ACACB: variants seen among roughly 807,000 people sequenced by gnomAD.
The protein encoded by ACACB is acetyl-CoA carboxylase beta, also known as acetyl-CoA carboxylase 2.
In ACACB, 209 loss-of-function variants were observed where a neutral mutation model predicts 278.8. The observed-to-expected ratio is 0.75, with a 90% CI of 0.67 to 0.84. The LOEUF (loss-of-function observed/expected upper bound fraction) is 0.84, where lower values mean the gene tolerates loss of function less well. Ranked by LOEUF, ACACB falls within the 40% of genes least tolerant of loss-of-function variation. ACACB has a pLI of 0.00. For missense variants in ACACB, 2,850 were observed against 3,269.0 expected (o/e 0.87, Z 3.13); for synonymous variants, 1,174 against 1,285.6 (o/e 0.91, Z 1.86).
chr12:109,257,822 C>T (rs761848077), intron 45 of ACACB, among the ~76,000 whole-genome samples: 2 of 152,204 alleles, frequency 1.3e-5, no homozygotes, highest in Non-Finnish European at 2.9e-5. Flanking sequence ...CCTCCTGCTT[C>T]AGACTCTCAA....
chr12:109,223,327 C>T (rs192622911), intron 26 of ACACB, among the ~76,000 whole-genome samples: 68 of 152,244 alleles, frequency 4.5e-4, no homozygotes, highest in African/African-American at 1.6e-3. Context: ...GCCGTCATCC[C>T]GGAGTTCTTC....
intron 13 of ACACB, 24 bp downstream of exon 13, chr12:109,188,186 C>T (rs1555216125): frequency 2.4e-6 from 2 of 828,530 alleles, no homozygotes; most frequent in South Asian, 1.8e-5. Flanking sequence ...TCCTTCCTTC[C>T]TTCCTTCCTT....
At position 109,140,054 on chromosome 12, in the gene ACACB, A is replaced by T; in HGVS notation, c.649A>T (p.Met217Leu). 1 of 1,585,028 alleles carries T rather than the reference A, an allele frequency of 6.3e-7. No homozygotes were observed. The highest frequency in any genetic ancestry group is 8.5e-7 in the Non-Finnish European group (1 of 1,171,154). The stretch of plus-strand genomic sequence containing the variant: ...TGAAGCTGAGACCCGCGTCCCCACT[A>T]TGAGGTAATGTGCATTTTCTCCTTG... ...TGEAETRVPTMRPSMSGLHLV... is the reference protein window; with the variant it reads ...TGEAETRVPTLRPSMSGLHLV... Residue 217 changes from methionine to leucine, a missense_variant, in exon 2 of 53, where the codon ATG becomes TTG. Met to Leu is a conservative substitution (Grantham distance 15, BLOSUM62 2). This residue lies in a region of ACACB where 2,265 missense variants were observed against 2,561.3 expected (regional missense o/e 0.88). Transcript: ENST00000338432.
At chr12:109,245,257 T>C (rs2046908884) in intron 37 of ACACB, among the ~76,000 whole-genome samples, 1 of 152,076 alleles carries the variant, frequency 6.6e-6, no homozygotes, top group Admixed American at 6.6e-5. Context: ...AACGATATTG[T>C]ATGTTTCCAA....
intron 37 of ACACB, among the ~76,000 whole-genome samples, chr12:109,244,011 T>C (rs1350628516): frequency 6.6e-6 from 1 of 152,090 alleles, no homozygotes; most frequent in Admixed American, 6.6e-5. Flanking sequence ...ACTAAAGAGC[T>C]TCTGCACAGC....
rs1430991724 is a variant in ACACB at position 109,265,260 on chromosome 12, G to A, written c.7093G>A (p.Glu2365Lys). The A allele has an allele frequency of 3.1e-6, 5 of 1,613,132 alleles. No individual in the cohort carries two copies. In the Admixed American group the frequency reaches 6.7e-5, roughly 22 times the overall value. Residue 2365 changes from glutamate (E) to lysine (K), a missense_variant, in exon 51 of 53, where the codon GAG (glutamate) becomes AAG (lysine). By Grantham distance (56) the Glu-to-Lys change is moderately conservative. Coordinates refer to ENST00000338432, the MANE Select transcript of ACACB (RefSeq NM_001093.4). ...IQSMLRRWFV[E>K]TEGAVKAYLW... The stretch of plus-strand genomic sequence containing the variant: ...GTCCATGCTGCGTCGCTGGTTCGTG[G>A]AGACGGAGGGGGCTGTCAAGGTGGG...
intron 33 of ACACB, chr12:109,236,406 G>C (rs955137679): frequency 1.3e-5 from 2 of 152,396 alleles, no homozygotes; most frequent in African/African-American, 4.8e-5. Context: ...TGCTCGTCTA[G>C]AACAGTGGTT....
At chr12:109,210,047 ATATACACACACGTGTGTATAT>A (rs1483347880) in intron 21 of ACACB, among the ~76,000 whole-genome samples, 2 of 124,710 alleles carry the variant, frequency 1.6e-5, no homozygotes, top group Non-Finnish European at 3.5e-5. Flanking sequence ...ATATGTGTAT[ATATACACACACGTGTGTATAT>A]ATGTGTATAT....
rs1387760140 is a variant in ACACB at position 109,185,656 on chromosome 12, C to T, written c.1896C>T (p.Pro632=). The T allele has an allele frequency of 6.2e-7, 1 of 1,614,014 alleles. No individual in the cohort carries two copies. The highest frequency in any genetic ancestry group is 1.1e-5 in the South Asian group (1 of 91,060). ...GAGAGTCACCATGGGGAGTGACTCC[C>T]ATTTCTTTTGAAACCCCCTCAAACC... The part of the protein sequence containing the change: ...LYGESPWGVT[P]ISFETPSNPP... The change falls in exon 12 of 53, where the codon CCC becomes CCT. Residue 632 remains proline, a synonymous_variant. Transcript: ENST00000338432.
chr12:109,179,219 C>T lies in ACACB; in HGVS notation c.1569C>T (p.Ile523=). ...CTCTGTTTGGTCGCGACTGCTCCAT[C>T]CAGCGGCGGCATCAGAAGATCGTTG... is the stretch of plus-strand genomic sequence containing the variant. ...AVSLFGRDCS[I]QRRHQKIVEE... Residue 523 remains isoleucine, a synonymous_variant, in exon 10 of 53, where the codon ATC becomes ATT. Coordinates refer to ENST00000338432, the MANE Select transcript of ACACB (RefSeq NM_001093.4). The T allele has an allele frequency of 6.2e-7, 1 of 1,614,140 alleles. No individual in the cohort carries two copies. The highest frequency in any genetic ancestry group is 8.5e-7 in the Non-Finnish European group (1 of 1,180,024).
intron 1 of ACACB, among the ~76,000 whole-genome samples, chr12:109,133,863 A>ATATT (rs55881936): frequency 1.9e-3 from 134 of 70,304 alleles, no homozygotes; most frequent in Non-Finnish European, 2.3e-3. Context: ...ATATATATAT[A>ATATT]TTTTTTTTTT....
intron 24 of ACACB, among the ~76,000 whole-genome samples, chr12:109,217,812 A>C (rs1406875622): frequency 6.6e-6 from 1 of 152,216 alleles, no homozygotes; most frequent in Non-Finnish European, 1.5e-5. Flanking sequence ...AAAACAACAA[A>C]AAAAATCCCA....
intron 13 of ACACB, among the ~76,000 whole-genome samples, chr12:109,189,559 C>G (rs2044788883): frequency 6.6e-6 from 1 of 152,120 alleles, no homozygotes; most frequent in South Asian, 2.1e-4. Context: ...TCCTCGTTTT[C>G]CTGGCACCGG....
intron 2 of ACACB, among the ~76,000 whole-genome samples, chr12:109,151,246 G>C (rs1009635532): frequency 6.6e-6 from 1 of 152,094 alleles, no homozygotes; most frequent in African/African-American, 2.4e-5. Flanking sequence ...GCCTCCCAAA[G>C]TGCTGGGATT....
rs201813836 is a variant in ACACB, at chr12:109,241,064, G to A, written c.4819-14G>A. The A allele has an allele frequency of 6.2e-6, 10 of 1,610,626 alleles. 1 individual carries two copies. The East Asian group carries it at 2.0e-4, about 32-fold the overall frequency. On this transcript the variant is annotated splice_polypyrimidine_tract_variant and intron_variant, in intron 35 of 52. Transcript: ENST00000338432. ...TCTTGGCCCTGAAACTGGAATTGCT[G>A]TGTTTTGGGGCAGATCGAGGAGTCC...
At chr12:109,222,994 T>C in intron 26 of ACACB, 82 bp downstream of exon 26, 5 of 1,112,426 alleles carry the variant, frequency 4.5e-6, no homozygotes, top group Non-Finnish European at 6.6e-6. Context: ...CGGCTCCTCC[T>C]GCCCTCCAGG....
chr12:109,242,800 T>C, intron 37 of ACACB: 1 of 538,576 alleles, frequency 1.9e-6, no homozygotes. Context: ...ACCCCATCTC[T>C]ACAAAATATA....
intron 11 of ACACB, among the ~76,000 whole-genome samples, chr12:109,184,188 G>A (rs537197860): frequency 3.0e-4 from 45 of 152,084 alleles, no homozygotes; most frequent in Middle Eastern, 3.4e-3. Flanking sequence ...GAGTAGCTGG[G>A]ATTATAGGTG....
intron 1 of ACACB, among the ~76,000 whole-genome samples, chr12:109,133,859 A>ATTTTTTTT (rs2042897561): frequency 2.1e-5 from 1 of 48,246 alleles, no homozygotes; most frequent in African/African-American, 9.9e-5. Context: ...ATATATATAT[A>ATTTTTTTT]TATATTTTTT....
Sources: gnomAD v4.1 joint callset for allele counts (sites outside exome capture counted in the v4.1 genomes callset) on GRCh38, gnomAD v4.1.1 for gene constraint, gnomAD v4.1.1 regional missense constraint, MANE v1.5 for transcripts, NCBI Gene and HGNC (gene_info 2026-07-23, HGNC 2026-07-21) for gene names.